The following ATP8A1 variants were observed in gnomAD, a reference collection of about 807,000 sequenced individuals.
ATP8A1 encodes the protein phospholipid-transporting ATPase IA.
Under a neutral mutation model 177.7 loss-of-function variants are expected in ATP8A1, and 90 were observed. That is an observed-to-expected ratio of 0.51 (90% CI 0.43 to 0.60). The LOEUF (loss-of-function observed/expected upper bound fraction) is 0.60. Ranked by LOEUF, ATP8A1 falls within the 20% of genes least tolerant of loss-of-function variation. The pLI, the probability that ATP8A1 is intolerant of heterozygous loss-of-function variation, is 0.00. For missense variants in ATP8A1, 1,072 were observed against 1,392.8 expected (o/e 0.77, Z 3.67); for synonymous variants, 493 against 485.9 (o/e 1.01, Z -0.19).
rs146802075 is a variant in ATP8A1, at chr4:42,408,831, A to C, written c.*4085T>G. 16 of 152,310 alleles carry C rather than the reference A, an allele frequency of 1.1e-4. No homozygotes were observed. Among genetic ancestry groups the C allele is most frequent in the South Asian group, 4.1e-4 (2 of 4,822 alleles). 9.4% of individuals were successfully genotyped at this position (152,310 alleles called of 1,614,324 possible). A position where few individuals can be genotyped will look rare whatever the true frequency, so the allele number is the denominator to read the frequency against. ...CTTCCATTTAGAACCATGAAACATA[A>C]AAATATTATTTTTAACTATTCTGCT... On this transcript the variant is annotated 3_prime_UTR_variant, in exon 37 of 37. Coordinates refer to ENST00000381668, the MANE Select transcript of ATP8A1 (RefSeq NM_006095.2).
intron 25 of ATP8A1, among the ~76,000 whole-genome samples, chr4:42,471,227 C>T (rs576337221): frequency 6.6e-6 from 1 of 152,234 alleles, no homozygotes; most frequent in East Asian, 1.9e-4. Flanking sequence ...CACTTCTTAC[C>T]TAGAAGTGCG....
chr4:42,615,363 T>C lies in ATP8A1; in HGVS notation c.409+670A>G, dbSNP rs113517268. Among the ~76,000 whole-genome samples the C allele has an allele frequency of 5.9e-3, 899 of 152,160 alleles. 14 individuals are homozygous for C. The highest frequency in any genetic ancestry group is 0.02 in the African/African-American group (836 of 41,518). ...GCAGACATCACTTATCCTCACCACA[T>C]CAGAGAACTTCAGAGATGAGATTCT... On this transcript the variant is annotated intron_variant, in intron 5 of 36. Transcript: ENST00000381668.
At chr4:42,530,757 A>G (rs981584551) in intron 20 of ATP8A1, among the ~76,000 whole-genome samples, 1 of 152,234 alleles carries the variant, frequency 6.6e-6, no homozygotes, top group African/African-American at 2.4e-5. Flanking sequence ...GTTCTCCAGA[A>G]GGCCGTGTAT....
intron 1 of ATP8A1, among the ~76,000 whole-genome samples, chr4:42,634,599 CTG>C (rs1331972815): frequency 6.6e-6 from 1 of 152,120 alleles, no homozygotes; most frequent in African/African-American, 2.4e-5. Flanking sequence ...ATGAGAGAGA[CTG>C]TTTAGGTCTA....
chr4:42,514,571 AAC>A (rs1458202148), intron 22 of ATP8A1, among the ~76,000 whole-genome samples: 3 of 152,236 alleles, frequency 2.0e-5, no homozygotes, highest in Non-Finnish European at 4.4e-5. Context: ...CTGAGTCTCA[AAC>A]AGGCTGATGA....
At chr4:42,504,727 T>C (rs1296773928) in intron 23 of ATP8A1, among the ~76,000 whole-genome samples, 1 of 152,242 alleles carries the variant, frequency 6.6e-6, no homozygotes, top group Non-Finnish European at 1.5e-5. Context: ...CCAGAGTGAC[T>C]GTTTTTACAG....
chr4:42,615,199 T>C (rs1407297946), intron 5 of ATP8A1, among the ~76,000 whole-genome samples: 1 of 152,220 alleles, frequency 6.6e-6, no homozygotes, highest in East Asian at 1.9e-4. Context: ...TTAGTAAATA[T>C]ATCATCCTTA....
At chr4:42,655,091 T>C (rs939731342) in intron 1 of ATP8A1, among the ~76,000 whole-genome samples, 1 of 152,248 alleles carries the variant, frequency 6.6e-6, no homozygotes, top group African/African-American at 2.4e-5. Context: ...GCCCTGACAC[T>C]GTGCTGGACG....
chr4:42,415,441 G>A (rs1713124638), intron 35 of ATP8A1, among the ~76,000 whole-genome samples: 1 of 150,716 alleles, frequency 6.6e-6, no homozygotes, highest in Non-Finnish European at 1.5e-5. Flanking sequence ...TAAAAAATAA[G>A]GCATCTTCTC....
chr4:42,532,111 C>T (rs1423499922), intron 20 of ATP8A1, among the ~76,000 whole-genome samples: 2 of 151,680 alleles, frequency 1.3e-5, no homozygotes, highest in African/African-American at 2.4e-5. Flanking sequence ...CAAAAAAATA[C>T]ACACACACAC....
At chr4:42,475,234 T>G (rs1363109165) in intron 25 of ATP8A1, among the ~76,000 whole-genome samples, 1 of 152,160 alleles carries the variant, frequency 6.6e-6, no homozygotes, top group East Asian at 1.9e-4. Flanking sequence ...GGTGCCAACA[T>G]GGCTCATTGT....
At chr4:42,643,030 T>C (rs138454865) in intron 1 of ATP8A1, among the ~76,000 whole-genome samples, 41 of 152,318 alleles carry the variant, frequency 2.7e-4, no homozygotes, top group African/African-American at 8.2e-4. Flanking sequence ...CTCTGGAAAA[T>C]GTCCCTGCAG....
At chr4:42,653,863 G>A (rs1017909757) in intron 1 of ATP8A1, among the ~76,000 whole-genome samples, 5 of 151,968 alleles carry the variant, frequency 3.3e-5, no homozygotes, top group Non-Finnish European at 7.4e-5. Flanking sequence ...CTCTGCTCCC[G>A]GCCAATTTCC....
chr4:42,482,335 A>AAAC (rs1553884267), intron 25 of ATP8A1, among the ~76,000 whole-genome samples: 6 of 34,704 alleles, frequency 1.7e-4, no homozygotes, highest in African/African-American at 4.8e-4. Context: ...ACAAACAAAC[A>AAAC]AAAAAAAAAA....
At chr4:42,587,294 C>T (rs1577650866) in intron 8 of ATP8A1, among the ~76,000 whole-genome samples, 1 of 150,820 alleles carries the variant, frequency 6.6e-6, no homozygotes, top group South Asian at 2.1e-4. Flanking sequence ...GCTTGTTGTA[C>T]AGCTTCTTTT....
intron 15 of ATP8A1, among the ~76,000 whole-genome samples, chr4:42,556,534 A>G (rs1730254110): frequency 6.6e-6 from 1 of 150,430 alleles, no homozygotes; most frequent in African/African-American, 2.5e-5. Context: ...ATCAACATCT[A>G]TCATTAATAT....
intron 4 of ATP8A1, among the ~76,000 whole-genome samples, chr4:42,617,524 A>G (rs1737041203): frequency 1.3e-5 from 2 of 152,222 alleles, no homozygotes; most frequent in Admixed American, 6.5e-5. Flanking sequence ...AACTTTGAAA[A>G]TATTCTTTTT....
chr4:42,414,793 A>G, intron 35 of ATP8A1, 75 bp from the exon 36 acceptor site: 6 of 1,085,720 alleles, frequency 5.5e-6, no homozygotes, highest in Non-Finnish European at 8.6e-6. Context: ...AGGACCACCA[A>G]AGAGAGTTAG....
chr4:42,447,041 G>A (rs542054966), intron 30 of ATP8A1, among the ~76,000 whole-genome samples: 1 of 152,316 alleles, frequency 6.6e-6, no homozygotes, highest in East Asian at 1.9e-4. Flanking sequence ...TGGGCCAAAA[G>A]GGATTCATAA....
Sources: allele counts gnomAD v4.1 joint callset (sites outside exome capture counted in the v4.1 genomes callset), GRCh38; gene constraint gnomAD v4.1.1; transcripts MANE v1.5; gene names NCBI Gene and HGNC (gene_info 2026-07-23, HGNC 2026-07-21).